The following PPARGC1A variants were observed in gnomAD, a reference collection of about 807,000 sequenced individuals.
PPARGC1A encodes peroxisome proliferator-activated receptor gamma coactivator 1-alpha.
PPARGC1A carries 25 observed loss-of-function variants against 88.7 expected under a neutral mutation model. That is an observed-to-expected ratio of 0.28 (90% CI 0.21 to 0.39). The LOEUF is 0.39. Ranked by LOEUF, PPARGC1A falls within the 10% of genes least tolerant of loss-of-function variation. The pLI, the probability that PPARGC1A is intolerant of heterozygous loss-of-function variation, is 1.00. For missense variants in PPARGC1A, 880 were observed against 968.7 expected (o/e 0.91, Z 1.22); for synonymous variants, 363 against 355.6 (o/e 1.02, Z -0.24).
At chr4:24,395,428 C>T in the PPARGC1A span, among the ~76,000 whole-genome samples, 4 of 152,146 alleles carry the variant, frequency 2.6e-5, no homozygotes, top group African/African-American at 9.7e-5. Flanking sequence ...GAGGACTGAT[C>T]ACTGACAAAT....
chr4:24,272,811 A>T, the PPARGC1A span, among the ~76,000 whole-genome samples: 13 of 152,206 alleles, frequency 8.5e-5, no homozygotes, highest in Non-Finnish European at 1.8e-4. Context: ...CTGGTGCAAT[A>T]AGCAAAGACT....
chr4:24,179,597 G>C, the PPARGC1A span, among the ~76,000 whole-genome samples: 3 of 152,074 alleles, frequency 2.0e-5, no homozygotes, highest in African/African-American at 7.2e-5. Flanking sequence ...ACAGCCTGAC[G>C]AGCCCCCAAT....
At chr4:24,389,247 T>A in the PPARGC1A span, among the ~76,000 whole-genome samples, 2 of 152,314 alleles carry the variant, frequency 1.3e-5, no homozygotes, top group Non-Finnish European at 2.9e-5. Context: ...CATTTTAAGT[T>A]TAACAAAGAC....
chr4:24,177,458 G>C, the PPARGC1A span, among the ~76,000 whole-genome samples: 1 of 150,512 alleles, frequency 6.6e-6, no homozygotes, highest in Non-Finnish European at 1.5e-5. Context: ...ACACACTGGG[G>C]CCTGTTGTGG....
the PPARGC1A span, among the ~76,000 whole-genome samples, chr4:24,156,596 A>C: frequency 6.6e-6 from 1 of 152,190 alleles, no homozygotes; most frequent in Non-Finnish European, 1.5e-5. Context: ...TAAATGGCAG[A>C]AGTCAGTTCT....
chr4:24,219,450 C>T, the PPARGC1A span, among the ~76,000 whole-genome samples: 4 of 152,298 alleles, frequency 2.6e-5, no homozygotes, highest in South Asian at 8.3e-4. Flanking sequence ...GCCCTGAATT[C>T]TTCAGTGAAG....
At chr4:24,090,070 T>G in the PPARGC1A span, among the ~76,000 whole-genome samples, 2 of 152,322 alleles carry the variant, frequency 1.3e-5, no homozygotes, top group East Asian at 3.9e-4. Context: ...TCCACAGAGA[T>G]GTCTGAGTCA....
At chr4:24,032,630 G>A in the PPARGC1A span, among the ~76,000 whole-genome samples, 1 of 152,170 alleles carries the variant, frequency 6.6e-6, no homozygotes, top group Admixed American at 6.6e-5. Context: ...ACAAGTATTT[G>A]CTGAGCTTCT....
the PPARGC1A span, among the ~76,000 whole-genome samples, chr4:24,179,300 G>A: frequency 6.6e-6 from 1 of 152,128 alleles, no homozygotes; most frequent in Non-Finnish European, 1.5e-5. Context: ...AGGCCATAAT[G>A]CTTCCCTCCC....
the PPARGC1A span, among the ~76,000 whole-genome samples, chr4:24,101,966 G>T: frequency 4.3e-4 from 65 of 152,308 alleles, no homozygotes; most frequent in East Asian, 0.011. Flanking sequence ...CGCCCTCATG[G>T]TCTTGTGAGA....
chr4:24,133,256 T>C, the PPARGC1A span, among the ~76,000 whole-genome samples: 1 of 152,178 alleles, frequency 6.6e-6, no homozygotes, highest in Non-Finnish European at 1.5e-5. Context: ...TCCATCTGAA[T>C]GCAGATTTAA....
chr4:24,160,181 T>C, the PPARGC1A span, among the ~76,000 whole-genome samples: 3 of 152,352 alleles, frequency 2.0e-5, no homozygotes, highest in South Asian at 6.2e-4. Flanking sequence ...GAGGTACTTC[T>C]TTCTCTGCAG....
chr4:23,992,870 A>G, the PPARGC1A span, among the ~76,000 whole-genome samples: 1 of 152,138 alleles, frequency 6.6e-6, no homozygotes, highest in African/African-American at 2.4e-5. Context: ...AGAGCCAATG[A>G]AAGCACAGTC....
the PPARGC1A span, among the ~76,000 whole-genome samples, chr4:24,238,687 G>A: frequency 2.6e-5 from 4 of 151,326 alleles, 1 homozygote; most frequent in African/African-American, 9.7e-5. Context: ...ACCTCTCCTT[G>A]GGCATTTTAC....
At chr4:23,980,185 C>CAAAAAAAAAAAAAAA in the PPARGC1A span, among the ~76,000 whole-genome samples, 1 of 89,516 alleles carries the variant, frequency 1.1e-5, no homozygotes, top group Non-Finnish European at 2.2e-5. Flanking sequence ...TCCCAGCCAG[C>CAAAAAAAAAAAAAAA]AAAAAAAAAA....
At chr4:23,834,364 C>G (rs1725632132) in intron 2 of PPARGC1A, among the ~76,000 whole-genome samples, 1 of 151,648 alleles carries the variant, frequency 6.6e-6, no homozygotes, top group African/African-American at 2.4e-5. Context: ...TAGCACATAC[C>G]TGTAATCTCA....
chr4:24,262,136 A>C, the PPARGC1A span, among the ~76,000 whole-genome samples: 1 of 151,706 alleles, frequency 6.6e-6, no homozygotes, highest in African/African-American at 2.4e-5. Flanking sequence ...CCGCCCCATA[A>C]CTCCCTTCCC....
chr4:24,141,597 T>C, the PPARGC1A span, among the ~76,000 whole-genome samples: 3 of 152,020 alleles, frequency 2.0e-5, no homozygotes, highest in Non-Finnish European at 2.9e-5. Context: ...GGTGCATGCT[T>C]CCCCCCTTCC....
At chr4:23,970,806 G>A in the PPARGC1A span, among the ~76,000 whole-genome samples, 4 of 152,188 alleles carry the variant, frequency 2.6e-5, no homozygotes, top group South Asian at 4.2e-4. Context: ...CAGTGACAAC[G>A]ATTTTCATTA....
Sources: allele counts gnomAD v4.1 joint callset (sites outside exome capture counted in the v4.1 genomes callset), GRCh38; gene constraint gnomAD v4.1.1; transcripts MANE v1.5; gene names NCBI Gene and HGNC (gene_info 2026-07-23, HGNC 2026-07-21).